ATXN7L1: variants seen among roughly 807,000 people sequenced by gnomAD.
The protein encoded by ATXN7L1 is ataxin-7-like protein 1.
Under a neutral mutation model 70.8 loss-of-function variants are expected in ATXN7L1, and 15 were observed. That is an observed-to-expected ratio of 0.21 (90% confidence interval 0.14 to 0.33). ATXN7L1 has a LOEUF of 0.33. Among genes scored for constraint, ATXN7L1 ranks in the 10% least tolerant of loss-of-function variants. The probability of loss-of-function intolerance (pLI) is 1.00; values close to 1 mark genes in which losing one functional copy is unlikely to be tolerated. For synonymous variants in ATXN7L1, 440 were observed against 445.1 expected, an observed-to-expected ratio of 0.99 and a Z score of 0.14; for missense variants, 975 against 1,097.1, an observed-to-expected ratio of 0.89 and a Z score of 1.57.
At chr7:105,630,726 AT>A (rs1796469482) in intron 7 of ATXN7L1, among the ~76,000 whole-genome samples, 1 of 151,522 alleles carries the variant, frequency 6.6e-6, no homozygotes, top group African/African-American at 2.4e-5. Flanking sequence ...CAAAAAATAA[AT>A]AAATAAATAA....
At chr7:105,651,794 C>T (rs1457345187) in intron 4 of ATXN7L1, among the ~76,000 whole-genome samples, 1 of 152,188 alleles carries the variant, frequency 6.6e-6, no homozygotes, top group Non-Finnish European at 1.5e-5. Context: ...CCAGCCTCCT[C>T]ATGCACAAAC....
chr7:105,858,624 C>A (rs575762771), intron 2 of ATXN7L1, among the ~76,000 whole-genome samples: 1 of 152,112 alleles, frequency 6.6e-6, no homozygotes, highest in African/African-American at 2.4e-5. Context: ...CACCACCTTA[C>A]GAAGTCATCC....
At chr7:105,718,261 T>G (rs979670615) in intron 3 of ATXN7L1, among the ~76,000 whole-genome samples, 2 of 152,174 alleles carry the variant, frequency 1.3e-5, no homozygotes, top group African/African-American at 4.8e-5. Flanking sequence ...GGGAAGAAAG[T>G]GCACGTGGGC....
At chr7:105,637,629 G>C (rs1485076273) in intron 7 of ATXN7L1, among the ~76,000 whole-genome samples, 1 of 152,098 alleles carries the variant, frequency 6.6e-6, no homozygotes, top group Non-Finnish European at 1.5e-5. Flanking sequence ...GCATTATTTG[G>C]GAATTGAGCT....
At chr7:105,674,840 C>T (rs1804369233) in intron 3 of ATXN7L1, among the ~76,000 whole-genome samples, 1 of 152,174 alleles carries the variant, frequency 6.6e-6, no homozygotes, top group Admixed American at 6.5e-5. Context: ...TCTGGGGAGT[C>T]CCAGGGGCTT....
rs557947084 is a variant in ATXN7L1, at chr7:105,613,354, C to T, written c.2472+508G>A. On this transcript the variant is annotated intron_variant, in intron 10 of 11. Transcript: ENST00000419735. Reference sequence around the variant, plus strand: ...AGGCAGCCTAGGAAAGTGGGAAGGACAATCACCCGGGAGCCGGGCACAGGC... The same window carrying T: ...AGGCAGCCTAGGAAAGTGGGAAGGATAATCACCCGGGAGCCGGGCACAGGC... 15 of 333,980 alleles carry T rather than the reference C, an allele frequency of 4.5e-5. No individual in the cohort carries two copies. In the East Asian group the frequency reaches 2.4e-3, roughly 55 times the overall value. 20.7% of individuals were successfully genotyped at this position (333,980 alleles called of 1,614,324 possible). A position where few individuals can be genotyped will look rare whatever the true frequency, so the allele number is the denominator to read the frequency against.
At chr7:105,774,045 G>A (rs1043162999) in intron 3 of ATXN7L1, among the ~76,000 whole-genome samples, 12 of 152,228 alleles carry the variant, frequency 7.9e-5, no homozygotes, top group Admixed American at 7.8e-4. Flanking sequence ...TCCCAGGCTG[G>A]CTCTGCACTG....
At chr7:105,703,814 G>A (rs1792788766) in intron 3 of ATXN7L1, among the ~76,000 whole-genome samples, 1 of 152,196 alleles carries the variant, frequency 6.6e-6, no homozygotes, top group African/African-American at 2.4e-5. Flanking sequence ...GTTGCCTAGG[G>A]CGAACCTTTC....
At chr7:105,756,768 C>G (rs952102937) in intron 3 of ATXN7L1, among the ~76,000 whole-genome samples, 1 of 152,112 alleles carries the variant, frequency 6.6e-6, no homozygotes, top group Non-Finnish European at 1.5e-5. Flanking sequence ...AAGGCTTGAT[C>G]AAATATTGGC....
intron 3 of ATXN7L1, among the ~76,000 whole-genome samples, chr7:105,726,528 C>T (rs1396886957): frequency 2.0e-5 from 3 of 152,194 alleles, no homozygotes; most frequent in Non-Finnish European, 4.4e-5. Flanking sequence ...CCCTCTGTCT[C>T]CTTAGTGCTG....
At chr7:105,873,551 T>C (rs2116684615) in intron 2 of ATXN7L1, among the ~76,000 whole-genome samples, 1 of 152,316 alleles carries the variant, frequency 6.6e-6, no homozygotes, top group South Asian at 2.1e-4. Context: ...ATAGATATTT[T>C]ATCTATAAAG....
At chr7:105,661,656 C>G (rs1801628614) in intron 4 of ATXN7L1, among the ~76,000 whole-genome samples, 1 of 152,300 alleles carries the variant, frequency 6.6e-6, no homozygotes, top group South Asian at 2.1e-4. Flanking sequence ...TGGGATAGCT[C>G]AGAACTGAGG....
chr7:105,869,423 A>G (rs753770306), intron 2 of ATXN7L1, among the ~76,000 whole-genome samples: 43 of 152,194 alleles, frequency 2.8e-4, no homozygotes, highest in Non-Finnish European at 5.7e-4. Context: ...GCAGTTTCCC[A>G]TAAATCTCCA....
In ATXN7L1 at chr7:105,821,423, G is replaced by A. The variant is rs898245084; in HGVS notation, c.251-32715C>T. 3.3e-5 allele frequency among the ~76,000 whole-genome samples: 5 copies of A among 152,334 alleles called. No individual in the cohort carries two copies. The South Asian group carries it at 8.3e-4, about 25-fold the overall frequency. On this transcript the variant is annotated intron_variant, in intron 2 of 11. Coordinates refer to ENST00000419735, the MANE Select transcript of ATXN7L1 (RefSeq NM_020725.2). ...AACTGACTAACACACACCTGCTGCT[G>A]CTGCTTTAAGATCCTGTGCAGTGAG...
intron 2 of ATXN7L1, among the ~76,000 whole-genome samples, chr7:105,868,265 T>G (rs1274074061): frequency 1.3e-5 from 2 of 152,074 alleles, no homozygotes; most frequent in African/African-American, 4.8e-5. Context: ...ATCAGAGCAC[T>G]CATCGCGGTC....
At chr7:105,770,533 GAC>G (rs1801841182) in intron 3 of ATXN7L1, among the ~76,000 whole-genome samples, 1 of 152,124 alleles carries the variant, frequency 6.6e-6, no homozygotes, top group Admixed American at 6.5e-5. Context: ...ACATCTAAAT[GAC>G]ACAGTGACAG....
intron 3 of ATXN7L1, among the ~76,000 whole-genome samples, chr7:105,704,605 T>TA: frequency 6.9e-6 from 1 of 144,272 alleles, no homozygotes; most frequent in African/African-American, 2.6e-5. Context: ...TTTTTTTTTT[T>TA]TTTTTTTAGA....
At chr7:105,617,830 C>A in intron 9 of ATXN7L1, 1 of 413,976 alleles carries the variant, frequency 2.4e-6, no homozygotes. Flanking sequence ...GCTCCTGATG[C>A]AGAGTTAAAT....
chr7:105,803,916 C>T (rs1177711295), intron 2 of ATXN7L1, among the ~76,000 whole-genome samples: 1 of 152,142 alleles, frequency 6.6e-6, no homozygotes, highest in Non-Finnish European at 1.5e-5. Context: ...ACTGTCCCCT[C>T]TCTGAGGCGG....
Sources: allele counts gnomAD v4.1 joint callset (sites outside exome capture counted in the v4.1 genomes callset), GRCh38; gene constraint gnomAD v4.1.1; transcripts MANE v1.5; gene names NCBI Gene and HGNC (gene_info 2026-07-23, HGNC 2026-07-21).